MBNL1: variants seen among roughly 807,000 people sequenced by gnomAD.
MBNL1 encodes muscleblind like splicing regulator 1.
A neutral mutation model predicts 42.2 loss-of-function variants in MBNL1; 8 were observed. That is an observed-to-expected ratio of 0.19 (90% CI 0.11 to 0.34). The LOEUF (loss-of-function observed/expected upper bound fraction) is 0.34, where lower values mean the gene tolerates loss of function less well. Ranked by LOEUF, MBNL1 falls within the 10% of genes least tolerant of loss-of-function variation. The pLI is 1.00. For missense variants in MBNL1, 309 were observed against 495.3 expected, an observed-to-expected ratio of 0.62 and a Z score of 3.57; for synonymous variants, 169 against 173.9, an observed-to-expected ratio of 0.97 and a Z score of 0.22.
At chr3:152,321,339 GACTT>G (rs780693685) in intron 2 of MBNL1, among the ~76,000 whole-genome samples, 3 of 152,080 alleles carry the variant, frequency 2.0e-5, no homozygotes, top group Non-Finnish European at 4.4e-5. Context: ...TACTCATTGA[GACTT>G]ACTGGCCTTC....
chr3:152,354,738 G>A (rs1436534389), intron 2 of MBNL1, among the ~76,000 whole-genome samples: 2 of 151,834 alleles, frequency 1.3e-5, no homozygotes, highest in Non-Finnish European at 2.9e-5. Context: ...AACTTAGCAT[G>A]TTTAATCATG....
intron 2 of MBNL1, among the ~76,000 whole-genome samples, chr3:152,308,731 T>C (rs754538721): frequency 3.3e-5 from 5 of 152,138 alleles, no homozygotes; most frequent in Non-Finnish European, 7.3e-5. Context: ...TTCAGCTGTG[T>C]GGTTGTTGCT....
chr3:152,255,502 A>G (rs1430991255), intron 2 of MBNL1, among the ~76,000 whole-genome samples: 1 of 152,034 alleles, frequency 6.6e-6, no homozygotes, highest in Non-Finnish European at 1.5e-5. Flanking sequence ...TCTTGCAAGA[A>G]GCTCTGTTTT....
At position 152,465,557 on chromosome 3, in the gene MBNL1, C is replaced by T. The variant is rs1031604262; in HGVS notation, c.*3191C>T. The T allele has an allele frequency of 2.0e-5, 3 of 152,638 alleles. No homozygotes were observed. The allele number at this position is 152,638 out of a possible 1,614,324, so 9.5% of individuals were successfully genotyped here. Reference sequence around the variant, plus strand: ...ACTCCAGCTGGTTAAAAATGTTGCACTTATCAGCAACCCTACCACTTTCAT... The same window carrying T: ...ACTCCAGCTGGTTAAAAATGTTGCATTTATCAGCAACCCTACCACTTTCAT... On this transcript the variant is annotated 3_prime_UTR_variant, in exon 10 of 10. Transcript: ENST00000324210.
At chr3:152,367,446 G>T (rs886290451) in intron 2 of MBNL1, among the ~76,000 whole-genome samples, 4 of 152,016 alleles carry the variant, frequency 2.6e-5, no homozygotes, top group African/African-American at 9.7e-5. Flanking sequence ...CATTTGGATC[G>T]GTTCCAAGTC....
At chr3:152,303,444 AT>A (rs1255368738) in intron 2 of MBNL1, among the ~76,000 whole-genome samples, 1 of 152,180 alleles carries the variant, frequency 6.6e-6, no homozygotes, top group Non-Finnish European at 1.5e-5. Flanking sequence ...CGTGCTATAG[AT>A]TTAGGTGTAT....
intron 2 of MBNL1, among the ~76,000 whole-genome samples, chr3:152,322,218 T>G (rs2076885570): frequency 6.6e-6 from 1 of 152,110 alleles, no homozygotes; most frequent in South Asian, 2.1e-4. Flanking sequence ...CTTAGTCTTC[T>G]TAAGCCTAAC....
At chr3:152,269,690 C>T (rs1395177249) in intron 1 of MBNL1, 1 of 276,010 alleles carries the variant, frequency 3.6e-6, no homozygotes, top group African/African-American at 2.3e-5. Context: ...GCGGAAGACG[C>T]CCTGTAGGAG....
intron 1 of MBNL1, among the ~76,000 whole-genome samples, chr3:152,282,689 G>A (rs903839931): frequency 2.0e-5 from 3 of 151,618 alleles, no homozygotes; most frequent in Admixed American, 6.6e-5. Context: ...ATAGATGCCA[G>A]TAAATATTTA....
At chr3:152,390,880 T>TTAACCAGAACAATGCCCAAAAACC (rs1266736726) in intron 2 of MBNL1, among the ~76,000 whole-genome samples, 1 of 152,180 alleles carries the variant, frequency 6.6e-6, no homozygotes, top group Admixed American at 6.5e-5. Context: ...AAGACCCAGC[T>TTAACCAGAACAATGCCCAAAAACC]TAACCAGAAC....
intron 2 of MBNL1, among the ~76,000 whole-genome samples, chr3:152,347,282 T>G (rs1026361433): frequency 6.6e-6 from 1 of 152,038 alleles, no homozygotes; most frequent in Non-Finnish European, 1.5e-5. Flanking sequence ...ACCAAAAATA[T>G]TTAAAAATAT....
At chr3:152,295,859 T>C (rs895752870) in intron 1 of MBNL1, among the ~76,000 whole-genome samples, 1 of 152,106 alleles carries the variant, frequency 6.6e-6, no homozygotes, top group Admixed American at 6.5e-5. Flanking sequence ...CAGCAACTCC[T>C]CTCCAGGGGA....
chr3:152,378,155 A>T (rs1379262646), intron 2 of MBNL1, among the ~76,000 whole-genome samples: 4 of 152,104 alleles, frequency 2.6e-5, no homozygotes, highest in African/African-American at 9.7e-5. Context: ...TGGGCAACAT[A>T]GCAAGACCTC....
At chr3:152,304,966 A>G (rs915603609) in intron 2 of MBNL1, among the ~76,000 whole-genome samples, 1 of 152,200 alleles carries the variant, frequency 6.6e-6, no homozygotes, top group African/African-American at 2.4e-5. Context: ...CAGTAATTCT[A>G]GAACTATTTA....
chr3:152,380,538 CT>C (rs936489321), intron 2 of MBNL1, among the ~76,000 whole-genome samples: 1 of 152,032 alleles, frequency 6.6e-6, no homozygotes, highest in Non-Finnish European at 1.5e-5. Context: ...GGTTTTACAG[CT>C]TTTGCTTCAT....
At chr3:152,286,235 T>C (rs1262471242) in intron 1 of MBNL1, among the ~76,000 whole-genome samples, 1 of 148,820 alleles carries the variant, frequency 6.7e-6, no homozygotes, top group Non-Finnish European at 1.5e-5. Flanking sequence ...TCCTTATTCT[T>C]TGGGGGCACA....
In MBNL1 at chr3:152,268,942, C is replaced by A; in HGVS notation, c.-940C>A. 6 of 456,250 alleles carry A rather than the reference C, an allele frequency of 1.3e-5. No homozygotes were observed. The highest frequency in any genetic ancestry group is 2.6e-5 in the Non-Finnish European group (6 of 226,940). 28.3% of individuals were successfully genotyped at this position (456,250 alleles called of 1,614,324 possible). A position where few individuals can be genotyped will look rare whatever the true frequency, so the allele number is the denominator to read the frequency against. On this transcript the variant is annotated 5_prime_UTR_variant, in exon 1 of 10. Coordinates refer to ENST00000324210, the MANE Select transcript of MBNL1 (RefSeq NM_021038.5). ...GCGACATGCAACAGTCTTTTCACTGCAGCTGAATGAGTTGTGGCGCCCACA... is the reference window on the plus strand; with the variant it reads ...GCGACATGCAACAGTCTTTTCACTGAAGCTGAATGAGTTGTGGCGCCCACA...
At chr3:152,355,065 AT>A (rs199700040) in intron 2 of MBNL1, among the ~76,000 whole-genome samples, 12 of 151,572 alleles carry the variant, frequency 7.9e-5, no homozygotes, top group Admixed American at 4.0e-4. Context: ...AGAGCTTGGC[AT>A]TTTTTTTTAT....
chr3:152,348,055 A>G (rs1288113712), intron 2 of MBNL1, among the ~76,000 whole-genome samples: 6 of 152,136 alleles, frequency 3.9e-5, no homozygotes, highest in Admixed American at 3.9e-4. Context: ...GATGAGTCAT[A>G]GATTTTAAAA....
Sources: allele counts gnomAD v4.1 joint callset (sites outside exome capture counted in the v4.1 genomes callset), GRCh38; gene constraint gnomAD v4.1.1; transcripts MANE v1.5; gene names NCBI Gene and HGNC (gene_info 2026-07-23, HGNC 2026-07-21).